The following IQCM variants were observed in gnomAD, a reference collection of about 807,000 sequenced individuals.
IQCM encodes IQ domain-containing protein M.
IQCM carries 45 observed loss-of-function variants against 57.6 expected under a neutral mutation model. The observed-to-expected ratio is 0.78, with a 90% CI of 0.62 to 1.00. IQCM has a LOEUF of 1.00. IQCM is among the 50% of genes least tolerant of loss of function. IQCM has a pLI of 0.00. For synonymous variants in IQCM, 148 were observed against 158.9 expected (o/e 0.93, Z 0.51); for missense variants, 468 against 511.6 (o/e 0.91, Z 0.82).
intron 13 of IQCM, among the ~76,000 whole-genome samples, chr4:149,386,725 T>A (rs1295982204): frequency 6.6e-6 from 1 of 151,870 alleles, no homozygotes; most frequent in Admixed American, 6.6e-5. Flanking sequence ...TTTGTCAGGT[T>A]TTTTTTTAAA....
chr4:149,726,743 G>GA (rs1192881676), intron 5 of IQCM, among the ~76,000 whole-genome samples: 1 of 151,710 alleles, frequency 6.6e-6, no homozygotes, highest in Non-Finnish European at 1.5e-5. Flanking sequence ...GATTTAATAT[G>GA]AAAAATATAT....
intron 12 of IQCM, among the ~76,000 whole-genome samples, chr4:149,527,193 T>C (rs1469040647): frequency 2.0e-5 from 3 of 152,284 alleles, no homozygotes; most frequent in Non-Finnish European, 4.4e-5. Flanking sequence ...GATTTAATAG[T>C]TGAATCTTTT....
At chr4:149,696,591 G>T (rs922543010) in intron 5 of IQCM, among the ~76,000 whole-genome samples, 1 of 151,974 alleles carries the variant, frequency 6.6e-6, no homozygotes, top group Non-Finnish European at 1.5e-5. Context: ...GCATTAATTC[G>T]TATCTCAAAT....
At chr4:149,545,644 T>C (rs905901700) in intron 12 of IQCM, among the ~76,000 whole-genome samples, 1 of 152,082 alleles carries the variant, frequency 6.6e-6, no homozygotes, top group Non-Finnish European at 1.5e-5. Flanking sequence ...CCTTAAACAA[T>C]TAAAAATAGA....
intron 8 of IQCM, among the ~76,000 whole-genome samples, chr4:149,616,018 A>G (rs915508343): frequency 1.3e-5 from 2 of 152,234 alleles, no homozygotes; most frequent in African/African-American, 4.8e-5. Flanking sequence ...AAAATGGTAC[A>G]GCCACTGTGG....
At chr4:149,802,017 T>C (rs1264028167) in intron 2 of IQCM, among the ~76,000 whole-genome samples, 4 of 151,756 alleles carry the variant, frequency 2.6e-5, no homozygotes, top group Non-Finnish European at 5.9e-5. Context: ...AATATATATA[T>C]ATCTACTATG....
At chr4:149,550,042 T>C (rs1748873584) in intron 11 of IQCM, among the ~76,000 whole-genome samples, 1 of 152,246 alleles carries the variant, frequency 6.6e-6, no homozygotes, top group African/African-American at 2.4e-5. Context: ...TCCTTACTTC[T>C]GTGCATGCTA....
intron 2 of IQCM, among the ~76,000 whole-genome samples, chr4:149,798,614 T>TA (rs1399989989): frequency 6.6e-6 from 1 of 151,798 alleles, no homozygotes; most frequent in Non-Finnish European, 1.5e-5. Flanking sequence ...ACTTCACCTG[T>TA]AAAAACACAC....
chr4:149,416,009 AC>A (rs1270409240), intron 13 of IQCM, among the ~76,000 whole-genome samples: 1 of 152,176 alleles, frequency 6.6e-6, no homozygotes. Flanking sequence ...TATGTAACAA[AC>A]CTGCACATTG....
intron 13 of IQCM, among the ~76,000 whole-genome samples, chr4:149,388,969 A>G (rs1366706003): frequency 1.3e-5 from 2 of 151,462 alleles, no homozygotes; most frequent in East Asian, 3.9e-4. Flanking sequence ...CCTGTGAAGC[A>G]TGAAGTTTTA....
chr4:149,711,836 T>C (rs1764583230), intron 5 of IQCM, among the ~76,000 whole-genome samples: 1 of 152,214 alleles, frequency 6.6e-6, no homozygotes, highest in East Asian at 1.9e-4. Context: ...GTAGTACTTA[T>C]GAGCACCTGT....
intron 12 of IQCM, among the ~76,000 whole-genome samples, chr4:149,544,700 T>C (rs1240618111): frequency 2.0e-5 from 3 of 151,988 alleles, no homozygotes; most frequent in Non-Finnish European, 4.4e-5. Flanking sequence ...AACGGACAAA[T>C]AGACCAATGG....
chr4:149,812,092 G>A (rs943913789), intron 2 of IQCM, among the ~76,000 whole-genome samples: 9 of 152,148 alleles, frequency 5.9e-5, no homozygotes, highest in Non-Finnish European at 1.2e-4. Context: ...AGTTTTATAA[G>A]TGAGCAGCAA....
chr4:149,661,222 T>G (rs976839000), intron 7 of IQCM, among the ~76,000 whole-genome samples: 1 of 152,114 alleles, frequency 6.6e-6, no homozygotes, highest in Admixed American at 6.6e-5. Flanking sequence ...TATCATACAG[T>G]TTTTGTTTTC....
chr4:149,775,902 C>T (rs77421730), intron 2 of IQCM, among the ~76,000 whole-genome samples: 3,398 of 152,184 alleles, frequency 0.022, 65 homozygotes, highest in South Asian at 0.036. Context: ...TATCCCTGTC[C>T]TCAGTCAGTT....
intron 7 of IQCM, among the ~76,000 whole-genome samples, chr4:149,641,768 C>T (rs147048590): frequency 2.3e-4 from 35 of 152,146 alleles, no homozygotes; most frequent in African/African-American, 7.2e-4. Context: ...AAGCTTACAA[C>T]GTGTTATATA....
chr4:149,629,805 T>A (rs183078547), intron 7 of IQCM, among the ~76,000 whole-genome samples: 33 of 152,272 alleles, frequency 2.2e-4, no homozygotes, highest in Admixed American at 1.0e-3. Context: ...AATGTTTGCC[T>A]CAAAGGAAGC....
chr4:149,562,251 A>C (rs1222897925), intron 10 of IQCM, among the ~76,000 whole-genome samples: 1 of 152,220 alleles, frequency 6.6e-6, no homozygotes, highest in African/African-American at 2.4e-5. Context: ...GTAGGTCTGC[A>C]GGCATGGAGA....
chr4:149,792,943 G>A (rs566303463), intron 2 of IQCM, among the ~76,000 whole-genome samples: 6 of 152,064 alleles, frequency 3.9e-5, no homozygotes, highest in Non-Finnish European at 7.4e-5. Flanking sequence ...ATCTCAGCAC[G>A]GGAACAATGT....
Sources: allele counts gnomAD v4.1 joint callset (sites outside exome capture counted in the v4.1 genomes callset), GRCh38; gene constraint gnomAD v4.1.1; transcripts MANE v1.5; gene names NCBI Gene and HGNC (gene_info 2026-07-23, HGNC 2026-07-21).